Variants in PTPRN2 observed in about 807,000 individuals in gnomAD.
PTPRN2 encodes the protein protein tyrosine phosphatase receptor type N2.
A neutral mutation model predicts 118.8 loss-of-function variants in PTPRN2; 74 were observed. The ratio of observed to expected loss-of-function variants is 0.62; its 90% CI spans 0.52 to 0.76. PTPRN2 has a LOEUF of 0.76. Ranked by LOEUF, PTPRN2 falls within the 30% of genes least tolerant of loss-of-function variation. PTPRN2 has a pLI of 0.00. For missense variants in PTPRN2, 1,481 were observed against 1,394.4 expected, an observed-to-expected ratio of 1.06 and a Z score of -0.99; for synonymous variants, 641 against 608.0, an observed-to-expected ratio of 1.05 and a Z score of -0.80.
chr7:158,495,245 G>A (rs1258792607), intron 1 of PTPRN2, among the ~76,000 whole-genome samples: 1 of 152,108 alleles, frequency 6.6e-6, no homozygotes, highest in Non-Finnish European at 1.5e-5. Context: ...TGAGGCTCTG[G>A]GGTTATGTTA....
At chr7:158,262,722 G>A (rs533761767) in intron 3 of PTPRN2, among the ~76,000 whole-genome samples, 46 of 127,596 alleles carry the variant, frequency 3.6e-4, no homozygotes, top group East Asian at 1.5e-3. Flanking sequence ...CACACATTGC[G>A]CACACATACA....
At position 158,568,784 on chromosome 7, in the gene PTPRN2, A is replaced by G. The variant is rs116549879; in HGVS notation, c.112+18774T>C. Among the ~76,000 whole-genome samples the G allele has an allele frequency of 6.0e-4, 92 of 152,160 alleles. 1 individual carries two copies. Among genetic ancestry groups the G allele is most frequent in the African/African-American group, 2.2e-3 (90 of 41,418 alleles). ...TTATGTGTGTAACTAAAAATGTTTA[A>G]ATAAAAAAAAAAACTTTCCTATCAC... On this transcript the variant is annotated intron_variant, in intron 1 of 22. Coordinates refer to ENST00000389418, the MANE Select transcript of PTPRN2 (RefSeq NM_002847.5).
intron 12 of PTPRN2, among the ~76,000 whole-genome samples, chr7:157,807,335 G>A (rs1585519659): frequency 6.6e-6 from 1 of 152,170 alleles, no homozygotes; most frequent in African/African-American, 2.4e-5. Flanking sequence ...GCCACAAGAC[G>A]GCTGCTTGGA....
At chr7:157,930,344 T>C (rs892730) in intron 11 of PTPRN2, among the ~76,000 whole-genome samples, 90,376 of 151,642 alleles carry the variant, frequency 0.6, 27,051 homozygotes, top group Admixed American at 0.65. Context: ...AATAAAACAT[T>C]CCTGGTGCCC....
At chr7:158,389,748 C>T (rs180775420) in intron 2 of PTPRN2, among the ~76,000 whole-genome samples, 1 of 152,330 alleles carries the variant, frequency 6.6e-6, no homozygotes, top group Non-Finnish European at 1.5e-5. Context: ...GCGTCGCATT[C>T]CCAGAATAGA....
At chr7:158,206,386 T>C (rs1280204198) in intron 3 of PTPRN2, among the ~76,000 whole-genome samples, 2 of 152,116 alleles carry the variant, frequency 1.3e-5, no homozygotes, top group African/African-American at 4.8e-5. Flanking sequence ...ATTCATCATC[T>C]CCTGACTACA....
At chr7:158,473,276 C>CAG (rs537099465) in intron 2 of PTPRN2, among the ~76,000 whole-genome samples, 2 of 152,322 alleles carry the variant, frequency 1.3e-5, no homozygotes, top group South Asian at 4.1e-4. Context: ...TGCAGCCACT[C>CAG]AGAGTCCTGC....
intron 2 of PTPRN2, among the ~76,000 whole-genome samples, chr7:158,441,292 T>C (rs1267432068): frequency 1.9e-5 from 2 of 105,520 alleles, no homozygotes; most frequent in African/African-American, 6.2e-5. Flanking sequence ...GTGGTGGTGG[T>C]GATGGTGATA....
chr7:157,959,388 CCTT>C (rs2128808258), intron 11 of PTPRN2, among the ~76,000 whole-genome samples: 1 of 152,234 alleles, frequency 6.6e-6, no homozygotes, highest in South Asian at 2.1e-4. Context: ...AAAATTAAAA[CCTT>C]CTGTGTATTA....
intron 3 of PTPRN2, among the ~76,000 whole-genome samples, chr7:158,253,173 T>C (rs1796796914): frequency 6.6e-6 from 1 of 152,134 alleles, no homozygotes. Flanking sequence ...TCTAATAAAC[T>C]GGCAGATCCA....
At chr7:158,106,309 A>G (rs935241267) in intron 10 of PTPRN2, among the ~76,000 whole-genome samples, 1 of 151,908 alleles carries the variant, frequency 6.6e-6, no homozygotes, top group African/African-American at 2.4e-5. Flanking sequence ...TACAAGTGGC[A>G]TCTCCAGCTC....
At position 157,898,152 on chromosome 7, in the gene PTPRN2, T is replaced by C. The variant is rs183275024; in HGVS notation, c.1788+521A>G. Among the ~76,000 whole-genome samples, 91 of 151,922 alleles carry C rather than the reference T, an allele frequency of 6.0e-4. 1 individual carries two copies. The East Asian group carries it at 0.012, about 21-fold the overall frequency. On this transcript the variant is annotated intron_variant, in intron 12 of 22. Coordinates refer to ENST00000389418, the MANE Select transcript of PTPRN2 (RefSeq NM_002847.5). The stretch of plus-strand genomic sequence containing the variant: ...GATTTTCAGCGATATTATGGAAGCA[T>C]TGCCTCTCTGATACCAGCATGGTAA...
At chr7:158,311,415 A>G (rs542228236) in intron 3 of PTPRN2, among the ~76,000 whole-genome samples, 1 of 152,352 alleles carries the variant, frequency 6.6e-6, no homozygotes, top group Admixed American at 6.5e-5. Context: ...AACGAGTGAC[A>G]TTTAAATGCT....
rs559216403 is a variant in PTPRN2 at position 158,145,404 on chromosome 7, G to T, written c.911-6889C>A. On this transcript the variant is annotated intron_variant, in intron 6 of 22. Transcript: ENST00000389418. Reference sequence around the variant, plus strand: ...AGAAGGGGCGGCAGTGCCCGGTACAGCGTGGTACAGTGAGCGCCACACTCA... The same window carrying T: ...AGAAGGGGCGGCAGTGCCCGGTACATCGTGGTACAGTGAGCGCCACACTCA... 1.1e-4 allele frequency among the ~76,000 whole-genome samples: 16 copies of T among 152,356 alleles called. No homozygotes were observed. In the South Asian group the frequency reaches 3.1e-3, roughly 30 times the overall value.
intron 2 of PTPRN2, among the ~76,000 whole-genome samples, chr7:158,390,208 G>A (rs931826038): frequency 2.6e-4 from 39 of 152,198 alleles, no homozygotes; most frequent in African/African-American, 8.4e-4. Flanking sequence ...CCTGGGCCGT[G>A]TCCTCCCACG....
rs373229466 is a variant in PTPRN2 at position 158,410,702 on chromosome 7, A to T, written c.163+79033T>A. On this transcript the variant is annotated intron_variant, in intron 2 of 22. Coordinates refer to ENST00000389418, the MANE Select transcript of PTPRN2 (RefSeq NM_002847.5). ...AACTACGTGGAAACAGGGTCCTCGC[A>T]GACCTCATTATTGAAGGACCTTGAG... Among the ~76,000 whole-genome samples the T allele has an allele frequency of 4.9e-4, 75 of 152,380 alleles. 2 individuals are homozygous for T. In the South Asian group the frequency reaches 0.015, roughly 31 times the overall value.
At chr7:158,186,261 T>C (rs188370857) in intron 5 of PTPRN2, among the ~76,000 whole-genome samples, 29 of 152,300 alleles carry the variant, frequency 1.9e-4, no homozygotes, top group Non-Finnish European at 3.1e-4. Context: ...TCCATCCCTT[T>C]CTGGAATGCA....
chr7:158,336,749 C>T (rs1247169455), intron 2 of PTPRN2, among the ~76,000 whole-genome samples: 2,678 of 81,284 alleles, frequency 0.033, 188 homozygotes, highest in South Asian at 0.064. Context: ...AGACGTCACT[C>T]ACACCCACAG....
chr7:158,130,316 C>T (rs570256120), intron 9 of PTPRN2, among the ~76,000 whole-genome samples: 6 of 152,220 alleles, frequency 3.9e-5, no homozygotes, highest in African/African-American at 1.2e-4. Context: ...AAGAAATACC[C>T]GAACAGACGC....
Sources: gnomAD v4.1 joint callset for allele counts (sites outside exome capture counted in the v4.1 genomes callset) on GRCh38, gnomAD v4.1.1 for gene constraint, MANE v1.5 for transcripts, NCBI Gene and HGNC (gene_info 2026-07-23, HGNC 2026-07-21) for gene names.